NRXN3: variants seen among roughly 807,000 people sequenced by gnomAD.
The protein encoded by NRXN3 is neurexin 3.
In NRXN3, 32 loss-of-function variants were observed where a neutral mutation model predicts 137.6. The ratio of observed to expected loss-of-function variants is 0.23; its 90% CI spans 0.18 to 0.31. NRXN3 has a LOEUF of 0.31. NRXN3 is among the 10% of genes least tolerant of loss of function. The probability of loss-of-function intolerance (pLI) is 1.00; values close to 1 mark genes in which losing one functional copy is unlikely to be tolerated. For missense variants in NRXN3, 1,574 were observed against 2,062.5 expected, an observed-to-expected ratio of 0.76 and a Z score of 4.59; for synonymous variants, 798 against 784.5, an observed-to-expected ratio of 1.02 and a Z score of -0.29.
chr14:78,413,834 G>A (rs1323188102), intron 4 of NRXN3, among the ~76,000 whole-genome samples: 2 of 152,136 alleles, frequency 1.3e-5, no homozygotes, highest in Non-Finnish European at 2.9e-5. Flanking sequence ...ATACGGCTTA[G>A]CTCTGTGTCC....
At chr14:79,375,909 T>C (rs918619141) in intron 15 of NRXN3, among the ~76,000 whole-genome samples, 1 of 151,812 alleles carries the variant, frequency 6.6e-6, no homozygotes, top group Non-Finnish European at 1.5e-5. Context: ...CAAGGCATTC[T>C]ATTTCAAAAT....
chr14:78,252,811 A>T (rs895280384), intron 2 of NRXN3, among the ~76,000 whole-genome samples: 1 of 152,176 alleles, frequency 6.6e-6, no homozygotes, highest in African/African-American at 2.4e-5. Flanking sequence ...CAGCTTATTT[A>T]CTTAATAGGT....
intron 15 of NRXN3, among the ~76,000 whole-genome samples, chr14:79,287,906 T>C (rs1598332327): frequency 6.6e-6 from 1 of 152,336 alleles, no homozygotes; most frequent in East Asian, 1.9e-4. Context: ...CTTAATACCA[T>C]AGCTGGGGAA....
chr14:78,365,488 G>A (rs2085788520), intron 4 of NRXN3, among the ~76,000 whole-genome samples: 1 of 152,152 alleles, frequency 6.6e-6, no homozygotes, highest in East Asian at 1.9e-4. Context: ...ATAAGGTTTT[G>A]CAGGCCAGAT....
At chr14:78,540,538 A>G (rs1181421155) in intron 4 of NRXN3, among the ~76,000 whole-genome samples, 1 of 151,116 alleles carries the variant, frequency 6.6e-6, no homozygotes, top group Non-Finnish European at 1.5e-5. Flanking sequence ...TCTCCTGAAT[A>G]CAGCACACTG....
chr14:78,517,378 T>C (rs2096224355), intron 4 of NRXN3, among the ~76,000 whole-genome samples: 1 of 152,126 alleles, frequency 6.6e-6, no homozygotes, highest in Non-Finnish European at 1.5e-5. Flanking sequence ...CTAGTACATA[T>C]GGGTGACTAG....
chr14:78,471,680 T>C (rs571709129), intron 4 of NRXN3, among the ~76,000 whole-genome samples: 3 of 152,320 alleles, frequency 2.0e-5, no homozygotes, highest in South Asian at 4.1e-4. Flanking sequence ...AGCCTGGTGA[T>C]ATAGGTAATG....
At chr14:78,534,494 C>T (rs79540767) in intron 4 of NRXN3, among the ~76,000 whole-genome samples, 62 of 152,268 alleles carry the variant, frequency 4.1e-4, no homozygotes, top group African/African-American at 1.3e-3. Flanking sequence ...CAATCTATAA[C>T]GAATATTCTA....
chr14:79,029,133 G>T (rs2099603270), intron 15 of NRXN3, among the ~76,000 whole-genome samples: 1 of 151,802 alleles, frequency 6.6e-6, no homozygotes, highest in South Asian at 2.1e-4. Flanking sequence ...GGAAATAAAA[G>T]AAAAAAGAAT....
intron 15 of NRXN3, among the ~76,000 whole-genome samples, chr14:79,321,082 A>G (rs2089932107): frequency 6.6e-6 from 1 of 152,062 alleles, no homozygotes; most frequent in East Asian, 1.9e-4. Flanking sequence ...CCATATGCTC[A>G]TGTGTGTTTT....
At chr14:78,221,477 A>G (rs1477389151) in intron 1 of NRXN3, among the ~76,000 whole-genome samples, 1 of 152,226 alleles carries the variant, frequency 6.6e-6, no homozygotes, top group Non-Finnish European at 1.5e-5. Context: ...CAGGGTACAG[A>G]GGGAAACATA....
intron 16 of NRXN3, 36 bp from the exon 17 acceptor site, chr14:79,663,742 G>C: frequency 6.3e-7 from 1 of 1,591,470 alleles, no homozygotes; most frequent in Non-Finnish European, 8.6e-7. Flanking sequence ...CTTCGTGGTT[G>C]GTGATAACTA....
intron 15 of NRXN3, among the ~76,000 whole-genome samples, chr14:79,218,065 T>G (rs2068854179): frequency 6.6e-6 from 1 of 152,232 alleles, no homozygotes; most frequent in East Asian, 1.9e-4. Flanking sequence ...ACCTGTTTCC[T>G]TGATAATATC....
At chr14:78,434,026 TA>T (rs2093979667) in intron 4 of NRXN3, among the ~76,000 whole-genome samples, 1 of 152,168 alleles carries the variant, frequency 6.6e-6, no homozygotes, top group Non-Finnish European at 1.5e-5. Flanking sequence ...CAGCCTACGT[TA>T]AACATGCTCA....
In NRXN3 at chr14:79,861,682, A is replaced by T; in HGVS notation, c.4434A>T (p.Gly1478=). Residue 1478 remains glycine, a synonymous_variant, in exon 21 of 21, where the codon GGA becomes GGT. Transcript: ENST00000335750. This position sits in a 1 kb window ranked among gnomAD's most constrained non-coding sequence, Gnocchi z 5.4. ...CCACAGCAAACCCCACGGAGCCGGG[A>T]ATCAGACGGGTTCCGGGGGCCTCAG... The part of the protein sequence containing the change: ...NVPTANPTEP[G]IRRVPGASEV... 1 of 1,614,100 alleles carries T rather than the reference A, an allele frequency of 6.2e-7. No individual in the cohort carries two copies. Among genetic ancestry groups the T allele is most frequent in the Non-Finnish European group, 8.5e-7 (1 of 1,180,020 alleles).
intron 10 of NRXN3, among the ~76,000 whole-genome samples, chr14:78,838,618 A>G (rs1016528837): frequency 6.6e-6 from 1 of 152,204 alleles, no homozygotes; most frequent in Non-Finnish European, 1.5e-5. Flanking sequence ...CTAAATTTTC[A>G]TAAATGCCTT....
At chr14:79,244,940 T>C (rs1327616799) in intron 15 of NRXN3, among the ~76,000 whole-genome samples, 3 of 151,946 alleles carry the variant, frequency 2.0e-5, no homozygotes, top group African/African-American at 7.3e-5. Context: ...GGATTAGAGG[T>C]TTCAACTGTC....
chr14:78,807,865 C>T (rs1314333118), intron 9 of NRXN3, among the ~76,000 whole-genome samples: 1 of 151,388 alleles, frequency 6.6e-6, no homozygotes, highest in East Asian at 1.9e-4. Context: ...AACACATACA[C>T]ATCAAAAGAT....
chr14:78,395,845 C>G (rs192592170), intron 4 of NRXN3, among the ~76,000 whole-genome samples: 1 of 151,814 alleles, frequency 6.6e-6, no homozygotes, highest in East Asian at 1.9e-4. Context: ...TTATCTTTTT[C>G]TATCATCTTA....
Sources: gnomAD v4.1 joint callset for allele counts (sites outside exome capture counted in the v4.1 genomes callset) on GRCh38, gnomAD v4.1.1 for gene constraint, Gnocchi (gnomAD v3.1) non-coding constraint, MANE v1.5 for transcripts, NCBI Gene and HGNC (gene_info 2026-07-23, HGNC 2026-07-21) for gene names.